Variants in PLA2G10 observed in about 807,000 individuals in gnomAD.
PLA2G10 encodes phospholipase A2 group X.
PLA2G10 carries 9 observed loss-of-function variants against 7.9 expected under a neutral mutation model. That is an observed-to-expected ratio of 1.14 (90% CI 0.68 to 1.98). The LOEUF (loss-of-function observed/expected upper bound fraction) is 1.98, where lower values mean the gene tolerates loss of function less well. PLA2G10 is among the 30% of genes most tolerant of loss of function. PLA2G10 has a pLI of 0.00. For missense variants in PLA2G10, 53 were observed against 65.4 expected (o/e 0.81, Z 0.66); for synonymous variants, 19 against 27.5 (o/e 0.69, Z 0.97).
intron 3 of PLA2G10, among the ~76,000 whole-genome samples, chr16:14,686,943 T>A (rs1961088757): frequency 1.3e-5 from 2 of 151,916 alleles, no homozygotes; most frequent in African/African-American, 4.8e-5. Flanking sequence ...TCATCTCTAC[T>A]AAAAATACAA....
chr16:14,687,857 G>C (rs1349485418), intron 3 of PLA2G10, among the ~76,000 whole-genome samples: 1 of 151,650 alleles, frequency 6.6e-6, no homozygotes, highest in East Asian at 1.9e-4. Context: ...AAATTAGCTG[G>C]GCGTGATGGT....
intron 3 of PLA2G10, among the ~76,000 whole-genome samples, chr16:14,680,649 A>G (rs1960864872): frequency 6.6e-6 from 1 of 152,140 alleles, no homozygotes; most frequent in African/African-American, 2.4e-5. Flanking sequence ...GGTGGGAGCC[A>G]TCGTACTCAG....
At chr16:14,679,673 A>T (rs75411186) in intron 3 of PLA2G10, among the ~76,000 whole-genome samples, 40,250 of 141,266 alleles carry the variant, frequency 0.28, 6,503 homozygotes, top group Admixed American at 0.35. Flanking sequence ...AAAAAAAAAA[A>T]AATAATAATA....
chr16:14,679,359 C>T (rs2151850825), intron 3 of PLA2G10, among the ~76,000 whole-genome samples: 1 of 151,994 alleles, frequency 6.6e-6, no homozygotes, highest in Admixed American at 6.6e-5. Context: ...CATAGCAAGA[C>T]ACCATCTCTA....
At chr16:14,680,105 T>TC (rs1437317671) in intron 3 of PLA2G10, among the ~76,000 whole-genome samples, 1 of 150,986 alleles carries the variant, frequency 6.6e-6, no homozygotes, top group Non-Finnish European at 1.5e-5. Context: ...GCTTTTCTTT[T>TC]TTTTTTTTTT....
At chr16:14,673,179 C>G (rs948954171) in intron 3 of PLA2G10, among the ~76,000 whole-genome samples, 1 of 150,452 alleles carries the variant, frequency 6.6e-6, no homozygotes. Flanking sequence ...GCCACCACAC[C>G]GAGCTAATTT....
At chr16:14,673,598 A>T (rs1298130866) in intron 3 of PLA2G10, among the ~76,000 whole-genome samples, 7 of 151,720 alleles carry the variant, frequency 4.6e-5, no homozygotes, top group Admixed American at 4.6e-4. Flanking sequence ...TGAACTCCTG[A>T]GCTCAAGTGA....
chr16:14,676,407 G>A (rs986826363), intron 3 of PLA2G10, among the ~76,000 whole-genome samples: 6 of 152,208 alleles, frequency 3.9e-5, no homozygotes, highest in Non-Finnish European at 8.8e-5. Context: ...GTGGCTGGGT[G>A]CAGTGGCTCA....
intron 3 of PLA2G10, among the ~76,000 whole-genome samples, chr16:14,683,709 T>G (rs982515164): frequency 2.0e-5 from 3 of 152,200 alleles, no homozygotes; most frequent in African/African-American, 7.2e-5. Context: ...GAGTTAAATA[T>G]GATAAACCTA....
rs553077175 is a variant in PLA2G10 at position 14,684,280 on chromosome 16, T to C, written c.355+3885A>G. On this transcript the variant is annotated intron_variant, in intron 3 of 3. Transcript: ENST00000438167. The stretch of plus-strand genomic sequence containing the variant: ...TGAGTTCAGGAGGCGGAGGCTGAAG[T>C]GAGCCGAGATCACGCCATTGCACTC... Among the ~76,000 whole-genome samples, 240 of 131,276 alleles carry C rather than the reference T, an allele frequency of 1.8e-3. 1 individual carries two copies. The highest frequency in any genetic ancestry group is 3.2e-3 in the Admixed American group (32 of 9,962). The allele number at this position is 131,276 out of a possible 152,430, so 86.1% of individuals were successfully genotyped here. A position where few individuals can be genotyped will look rare whatever the true frequency, so the allele number is the denominator to read the frequency against.
At chr16:14,678,310 A>C (rs1745799003) in intron 3 of PLA2G10, among the ~76,000 whole-genome samples, 1 of 152,090 alleles carries the variant, frequency 6.6e-6, no homozygotes, top group Non-Finnish European at 1.5e-5. Flanking sequence ...AGTTCCATCC[A>C]GCCAGATTTG....
At chr16:14,681,055 T>A (rs975610922) in intron 3 of PLA2G10, among the ~76,000 whole-genome samples, 1 of 151,784 alleles carries the variant, frequency 6.6e-6, no homozygotes, top group African/African-American at 2.4e-5. Flanking sequence ...TCCCAGCTAC[T>A]TGGGAGGCTG....
chr16:14,675,168 T>C, intron 3 of PLA2G10, among the ~76,000 whole-genome samples: 1 of 135,332 alleles, frequency 7.4e-6, no homozygotes, highest in Admixed American at 7.7e-5. Context: ...TGAAACTCCA[T>C]CTCAAAAAAA....
rs577511199 is a variant in PLA2G10, at chr16:14,679,238, C to CT, written c.356-6490dup. 1.6e-4 allele frequency among the ~76,000 whole-genome samples: 24 copies of CT among 152,232 alleles called. No homozygotes were observed. In the South Asian group the frequency reaches 5.0e-3, roughly 32 times the overall value. Reference sequence around the variant, plus strand: ...TGGGCACCTATCTAGTACTAAAACACTGTTATCACCCCAGGCTGAGCATGG... The same window carrying CT: ...TGGGCACCTATCTAGTACTAAAACACTTGTTATCACCCCAGGCTGAGCATGG... On this transcript the variant is annotated intron_variant, in intron 3 of 3. Transcript: ENST00000438167.
At chr16:14,680,773 C>T (rs1960868077) in intron 3 of PLA2G10, among the ~76,000 whole-genome samples, 1 of 152,146 alleles carries the variant, frequency 6.6e-6, no homozygotes, top group African/African-American at 2.4e-5. Context: ...TCCCTGTCTC[C>T]TCCTTTTTAA....
Position 14,672,769 on chromosome 16 carries a change from T to C in PLA2G10, c.356-20A>G. The C allele has an allele frequency of 6.2e-7, 1 of 1,613,068 alleles. No homozygotes were observed. The highest frequency in any genetic ancestry group is 8.5e-7 in the Non-Finnish European group (1 of 1,179,396). On this transcript the variant is annotated intron_variant, in intron 3 of 3. Transcript: ENST00000438167. ...CCGGTCCTGGAAGAAGTGGGGAAAC[T>C]GAGATTAGAGCAGGGACCTGGAGAG...
intron 3 of PLA2G10, among the ~76,000 whole-genome samples, chr16:14,680,093 T>C (rs1960846542): frequency 1.4e-5 from 2 of 147,870 alleles, no homozygotes; most frequent in East Asian, 3.9e-4. Context: ...TCCTTTCTTT[T>C]TGCTTTTCTT....
intron 3 of PLA2G10, among the ~76,000 whole-genome samples, chr16:14,681,463 C>T (rs990595632): frequency 2.0e-5 from 3 of 151,952 alleles, no homozygotes; most frequent in African/African-American, 7.3e-5. Flanking sequence ...AAGATTCCGC[C>T]AACAGCAAGA....
intron 3 of PLA2G10, among the ~76,000 whole-genome samples, chr16:14,676,876 AC>A (rs1333225184): frequency 6.6e-6 from 1 of 152,144 alleles, no homozygotes; most frequent in African/African-American, 2.4e-5. Flanking sequence ...AGAATGGAAA[AC>A]CAAATACTGT....
Sources: allele counts gnomAD v4.1 joint callset (sites outside exome capture counted in the v4.1 genomes callset), GRCh38; gene constraint gnomAD v4.1.1; transcripts MANE v1.5; gene names NCBI Gene and HGNC (gene_info 2026-07-23, HGNC 2026-07-21).